PKIB: variants seen among roughly 807,000 people sequenced by gnomAD.
PKIB encodes cAMP-dependent protein kinase inhibitor beta, also known as PKI-beta.
Under a neutral mutation model 4.5 loss-of-function variants are expected in PKIB, and 2 were observed. The observed-to-expected ratio is 0.44, with a 90% CI of 0.18 to 1.39. The LOEUF is 1.39. PKIB is among the 40% of genes most tolerant of loss of function. The pLI is 0.27. For synonymous variants in PKIB, 38 were observed against 36.0 expected (o/e 1.06, Z -0.20); for missense variants, 94 against 92.6 (o/e 1.02, Z -0.06).
chr6:122,612,985 C>G (rs188578396), intron 1 of PKIB, among the ~76,000 whole-genome samples: 2 of 152,102 alleles, frequency 1.3e-5, no homozygotes, highest in East Asian at 3.9e-4. Flanking sequence ...GGAGAGGAAC[C>G]ATTGCTTCTC....
At chr6:122,556,984 TG>T (rs1003229701) in intron 2 of PKIB, among the ~76,000 whole-genome samples, 1 of 151,968 alleles carries the variant, frequency 6.6e-6, no homozygotes, top group African/African-American at 2.4e-5. Context: ...GAGGCTGAAG[TG>T]GGTGGATTAC....
At position 122,686,290 on chromosome 6, in the gene PKIB, T is replaced by C. The variant is rs113994307; in HGVS notation, c.-9+11146T>C. On this transcript the variant is annotated intron_variant, in intron 3 of 4. Transcript: ENST00000368452. ...CACCAACAGTATATGAGGGTTCCCT[T>C]TTCTTCTCATCCTCACCAGCATTTG... Among the ~76,000 whole-genome samples, 567 of 152,278 alleles carry C rather than the reference T, an allele frequency of 3.7e-3. 4 individuals carry two copies. Among genetic ancestry groups the C allele is most frequent in the African/African-American group, 0.013 (554 of 41,568 alleles).
chr6:122,594,828 T>A (rs546912221), intron 3 of PKIB, among the ~76,000 whole-genome samples: 27 of 152,332 alleles, frequency 1.8e-4, no homozygotes, highest in Non-Finnish European at 3.2e-4. Flanking sequence ...GTCACCCTAA[T>A]GGATCTCCTG....
At chr6:122,560,946 G>A (rs1191856722) in intron 2 of PKIB, among the ~76,000 whole-genome samples, 1 of 151,776 alleles carries the variant, frequency 6.6e-6, no homozygotes, top group Non-Finnish European at 1.5e-5. Flanking sequence ...TTCTTGGTTA[G>A]TCTTGCTAAT....
At chr6:122,486,861 T>C (rs562235904) in intron 2 of PKIB, among the ~76,000 whole-genome samples, 2 of 152,288 alleles carry the variant, frequency 1.3e-5, no homozygotes, top group Non-Finnish European at 2.9e-5. Context: ...AGAAAAGTTA[T>C]AATACTATGA....
intron 3 of PKIB, among the ~76,000 whole-genome samples, chr6:122,697,328 T>C (rs1778616801): frequency 3.9e-5 from 6 of 152,064 alleles, no homozygotes; most frequent in African/African-American, 2.4e-5. Flanking sequence ...TTATCAGATA[T>C]CAAGCCTAAA....
At chr6:122,547,475 A>G (rs1245568689) in intron 2 of PKIB, among the ~76,000 whole-genome samples, 2 of 152,036 alleles carry the variant, frequency 1.3e-5, no homozygotes, top group Non-Finnish European at 2.9e-5. Flanking sequence ...AGCTGGAATT[A>G]CAGGCGCCCG....
intron 2 of PKIB, among the ~76,000 whole-genome samples, chr6:122,547,742 A>AGCAGCTTCACTCTCTCTCT (rs144758127): frequency 0.15 from 22,873 of 152,130 alleles, 1,793 homozygotes; most frequent in East Asian, 0.26. Flanking sequence ...CTACAGGGTC[A>AGCAGCTTCACTCTCTCTCT]CTGGACACGA....
chr6:122,480,331 CAT>C (rs1775578102), intron 2 of PKIB: 1 of 152,212 alleles, frequency 6.6e-6, no homozygotes, highest in Non-Finnish European at 1.5e-5. Context: ...CTTGAGCCAC[CAT>C]GCCCGGCCTA....
chr6:122,506,174 AAC>A (rs1355575747), intron 2 of PKIB, among the ~76,000 whole-genome samples: 3 of 152,216 alleles, frequency 2.0e-5, no homozygotes, highest in Admixed American at 1.3e-4. Flanking sequence ...CTTTACCAGT[AAC>A]ACAGATGTTT....
intron 3 of PKIB, among the ~76,000 whole-genome samples, chr6:122,694,315 A>T (rs1179407671): frequency 6.6e-6 from 1 of 152,214 alleles, no homozygotes; most frequent in Non-Finnish European, 1.5e-5. Context: ...TGTATTGCTA[A>T]CAGACTTCCC....
At chr6:122,656,744 G>T (rs1018809369) in intron 2 of PKIB, among the ~76,000 whole-genome samples, 4 of 152,174 alleles carry the variant, frequency 2.6e-5, no homozygotes, top group Non-Finnish European at 5.9e-5. Context: ...TACTGAGGAT[G>T]TCAAAGCAGA....
At chr6:122,640,198 G>T (rs545151961) in intron 2 of PKIB, among the ~76,000 whole-genome samples, 1 of 152,114 alleles carries the variant, frequency 6.6e-6, no homozygotes, top group Non-Finnish European at 1.5e-5. Context: ...ATGTCATCTT[G>T]GGAAACATTT....
Position 122,511,288 on chromosome 6 carries a change from C to T in PKIB, c.-248+33349C>T, listed in dbSNP as rs572536124. Among the ~76,000 whole-genome samples the T allele has an allele frequency of 8.5e-5, 13 of 152,284 alleles. No individual in the cohort carries two copies. In the South Asian group the frequency reaches 2.7e-3, roughly 32 times the overall value. ...AACCAAGCACAAAATTGTTCCACAG[C>T]ATAAAACAAATCCATAAGATTTTCC... On this transcript the variant is annotated intron_variant, in intron 2 of 6. Transcript: ENST00000392491.
At chr6:122,559,212 T>C (rs549447177) in intron 2 of PKIB, among the ~76,000 whole-genome samples, 17 of 152,024 alleles carry the variant, frequency 1.1e-4, no homozygotes, top group Admixed American at 2.0e-4. Flanking sequence ...GCTAAGGACA[T>C]GAATAGACAA....
intron 2 of PKIB, among the ~76,000 whole-genome samples, chr6:122,544,252 C>G (rs969052042): frequency 2.0e-5 from 3 of 151,846 alleles, no homozygotes; most frequent in Admixed American, 1.3e-4. Flanking sequence ...GATATTAAAG[C>G]ATTCAAACTA....
chr6:122,646,574 A>C (rs1776324461), intron 2 of PKIB, among the ~76,000 whole-genome samples: 1 of 152,218 alleles, frequency 6.6e-6, no homozygotes, highest in Admixed American at 6.5e-5. Context: ...ATGAAGTTTC[A>C]AAGTGCTATC....
intron 2 of PKIB, among the ~76,000 whole-genome samples, chr6:122,549,839 T>A (rs1351633981): frequency 1.4e-5 from 2 of 148,008 alleles, no homozygotes; most frequent in African/African-American, 4.9e-5. Flanking sequence ...AAAATATATA[T>A]GTATATATAC....
At chr6:122,576,689 A>AAATATATATATAT (rs1345822382) in intron 2 of PKIB, among the ~76,000 whole-genome samples, 7 of 34,318 alleles carry the variant, frequency 2.0e-4, no homozygotes, top group Admixed American at 6.6e-4. Context: ...AAAAAAAAAA[A>AAATATATATATAT]ATATATATAT....
Sources: allele counts gnomAD v4.1 joint callset (sites outside exome capture counted in the v4.1 genomes callset), GRCh38; gene constraint gnomAD v4.1.1; transcripts MANE v1.5; gene names NCBI Gene and HGNC (gene_info 2026-07-23, HGNC 2026-07-21).